SAMSN1: variants seen among roughly 807,000 people sequenced by gnomAD.
The protein encoded by SAMSN1 is SAM domain, SH3 domain and nuclear localization signals 1.
Under a neutral mutation model 42.0 loss-of-function variants are expected in SAMSN1, and 31 were observed. The observed-to-expected ratio is 0.74, with a 90% confidence interval of 0.55 to 1.00. The LOEUF (loss-of-function observed/expected upper bound fraction) is 1.00. Ranked by LOEUF, SAMSN1 falls within the 50% of genes least tolerant of loss-of-function variation. SAMSN1 has a pLI of 0.00. For missense variants in SAMSN1, 464 were observed against 439.4 expected (o/e 1.06, Z -0.50); for synonymous variants, 178 against 151.9 (o/e 1.17, Z -1.26).
chr21:14,636,595 C>T (rs1983472645), intron 2 of SAMSN1, among the ~76,000 whole-genome samples: 1 of 152,158 alleles, frequency 6.6e-6, no homozygotes, highest in Non-Finnish European at 1.5e-5. Flanking sequence ...GTAATACCAG[C>T]ACTTTAGGAG....
At chr21:14,618,953 TA>T (rs569441225) in intron 2 of SAMSN1, among the ~76,000 whole-genome samples, 3 of 151,870 alleles carry the variant, frequency 2.0e-5, no homozygotes, top group Non-Finnish European at 2.9e-5. Flanking sequence ...TGTTAGAAAA[TA>T]AAAAATGAAA....
intron 1 of SAMSN1, among the ~76,000 whole-genome samples, chr21:14,521,889 C>T (rs1978510393): frequency 7.1e-6 from 1 of 141,564 alleles, no homozygotes; most frequent in Non-Finnish European, 1.6e-5. Flanking sequence ...AAATAAAAGA[C>T]CAAGTTTGTT....
intron 1 of SAMSN1, among the ~76,000 whole-genome samples, chr21:14,525,989 C>A (rs900346175): frequency 6.6e-6 from 1 of 152,102 alleles, no homozygotes; most frequent in African/African-American, 2.4e-5. Flanking sequence ...CTCAGCCCCC[C>A]CGAGTAGCTG....
At chr21:14,648,502 A>T (rs1983764289) in intron 1 of SAMSN1, among the ~76,000 whole-genome samples, 1 of 152,196 alleles carries the variant, frequency 6.6e-6, no homozygotes, top group Non-Finnish European at 1.5e-5. Flanking sequence ...ATGGGAGAAA[A>T]TTTTCACAAC....
intron 5 of SAMSN1, among the ~76,000 whole-genome samples, chr21:14,502,323 G>A (rs1052581289): frequency 2.9e-4 from 44 of 152,212 alleles, no homozygotes; most frequent in African/African-American, 9.6e-4. Context: ...AGACTGAGAA[G>A]CTCTCCTGAA....
chr21:14,553,125 T>C (rs560973809), intron 2 of SAMSN1, among the ~76,000 whole-genome samples: 23 of 152,230 alleles, frequency 1.5e-4, no homozygotes, highest in African/African-American at 5.5e-4. Flanking sequence ...AGGCATTATC[T>C]ATTTATTCCT....
rs75550375 is a variant in SAMSN1, at chr21:14,590,907, G to A, written c.465+3106C>T. Among the ~76,000 whole-genome samples the A allele has an allele frequency of 1.4e-4, 22 of 152,172 alleles. No homozygotes were observed. In the East Asian group the frequency reaches 4.2e-3, roughly 29 times the overall value. ...GGTCACAATGATCAATAAACATTTA[G>A]AAACTCAATGGACAGTAATAAAACC... On this transcript the variant is annotated intron_variant, in intron 7 of 15. Transcript: ENST00000647101.
intron 1 of SAMSN1, among the ~76,000 whole-genome samples, chr21:14,654,253 C>G (rs576116665): frequency 2.2e-4 from 34 of 152,058 alleles, no homozygotes; most frequent in African/African-American, 8.2e-4. Context: ...GATGCCTTGT[C>G]TACCTTTAGA....
At chr21:14,580,698 G>A (rs1468706134) in intron 2 of SAMSN1, among the ~76,000 whole-genome samples, 1 of 152,168 alleles carries the variant, frequency 6.6e-6, no homozygotes, top group Non-Finnish European at 1.5e-5. Context: ...TTTAATTCTA[G>A]TCTTTGCAGA....
At chr21:14,550,769 G>A (rs1355208681), upstream of SAMSN1, among the ~76,000 whole-genome samples, 2 of 151,468 alleles carry the variant, frequency 1.3e-5, no homozygotes, top group Non-Finnish European at 2.9e-5. Flanking sequence ...ACAAATACTG[G>A]AAGGTTCCTT....
At chr21:14,569,766 T>G (rs1981233724) in intron 2 of SAMSN1, among the ~76,000 whole-genome samples, 1 of 152,158 alleles carries the variant, frequency 6.6e-6, no homozygotes, top group African/African-American at 2.4e-5. Flanking sequence ...TGATATGGCT[T>G]TTTGCAATAT....
intron 1 of SAMSN1, among the ~76,000 whole-genome samples, chr21:14,539,175 G>A (rs1160124653): frequency 6.6e-6 from 1 of 152,148 alleles, no homozygotes; most frequent in African/African-American, 2.4e-5. Context: ...AGTTACAGTT[G>A]TACTGATACA....
At chr21:14,607,976 G>A (rs192992779) in intron 5 of SAMSN1, among the ~76,000 whole-genome samples, 1 of 152,194 alleles carries the variant, frequency 6.6e-6, no homozygotes, top group East Asian at 1.9e-4. Context: ...CTGACTGAAG[G>A]TGTGGATGCA....
At chr21:14,553,039 C>T (rs1980649091) in intron 2 of SAMSN1, among the ~76,000 whole-genome samples, 2 of 151,578 alleles carry the variant, frequency 1.3e-5, no homozygotes, top group South Asian at 4.2e-4. Flanking sequence ...CTGATCCTTC[C>T]AATATTTAAA....
At chr21:14,612,899 A>G (rs1372317803) in exon 4 of SAMSN1, 12 of 706,992 alleles carry the variant, frequency 1.7e-5, no homozygotes, top group Non-Finnish European at 7.9e-6. Context: ...TTCAGACATA[A>G]ATCTCCGGAA....
upstream of SAMSN1, among the ~76,000 whole-genome samples, chr21:14,586,583 G>A (rs1450092608): frequency 1.3e-5 from 2 of 152,120 alleles, no homozygotes; most frequent in Admixed American, 1.3e-4. Context: ...AATTCTAGAG[G>A]GAGGTGACAG....
chr21:14,587,596 G>T (rs1162852480), upstream of SAMSN1, among the ~76,000 whole-genome samples: 1 of 151,952 alleles, frequency 6.6e-6, no homozygotes, highest in African/African-American at 2.4e-5. Context: ...CTCTTCTCAT[G>T]TGCATGCATG....
At chr21:14,658,713 A>G (rs1026121795) in intron 1 of SAMSN1, 1 of 714,734 alleles carries the variant, frequency 1.4e-6, no homozygotes, top group Admixed American at 2.0e-5. Flanking sequence ...TAAAATTAAA[A>G]TGAGAACATA....
chr21:14,608,314 G>A (rs1195149866), intron 5 of SAMSN1, among the ~76,000 whole-genome samples: 1 of 152,194 alleles, frequency 6.6e-6, no homozygotes, highest in Non-Finnish European at 1.5e-5. Flanking sequence ...GGGGAAGGGA[G>A]AGCAAAGTTA....
Sources: allele counts gnomAD v4.1 joint callset (sites outside exome capture counted in the v4.1 genomes callset), GRCh38; gene constraint gnomAD v4.1.1; transcripts MANE v1.5; gene names NCBI Gene and HGNC (gene_info 2026-07-23, HGNC 2026-07-21).